The following L3MBTL4 variants were observed in gnomAD, a reference collection of about 807,000 sequenced individuals.
L3MBTL4 encodes lethal(3)malignant brain tumor-like protein 4.
L3MBTL4 carries 70 observed loss-of-function variants against 84.5 expected under a neutral mutation model. The observed-to-expected ratio is 0.83, with a 90% CI of 0.68 to 1.01. L3MBTL4 has a LOEUF of 1.01. Among genes scored for constraint, L3MBTL4 ranks in the 50% least tolerant of loss-of-function variants. The pLI is 0.00. For synonymous variants in L3MBTL4, 274 were observed against 259.8 expected (o/e 1.05, Z -0.52); for missense variants, 715 against 754.8 (o/e 0.95, Z 0.62).
At chr18:6,166,854 T>TA (rs963217416) in intron 13 of L3MBTL4, among the ~76,000 whole-genome samples, 2 of 151,272 alleles carry the variant, frequency 1.3e-5, no homozygotes, top group African/African-American at 4.8e-5. Flanking sequence ...GAAATAGACA[T>TA]AAAAAACCCT....
chr18:6,102,663 C>T (rs1011149141), intron 14 of L3MBTL4, among the ~76,000 whole-genome samples: 1 of 152,194 alleles, frequency 6.6e-6, no homozygotes, highest in African/African-American at 2.4e-5. Context: ...AGTGTAAAGA[C>T]TAGAGCACAT....
At chr18:6,038,242 T>C (rs911670462) in intron 16 of L3MBTL4, among the ~76,000 whole-genome samples, 1 of 136,824 alleles carries the variant, frequency 7.3e-6, no homozygotes, top group African/African-American at 2.7e-5. Flanking sequence ...TAGAAATCCA[T>C]TTCTGGATCT....
intron 1 of L3MBTL4, among the ~76,000 whole-genome samples, chr18:6,385,905 T>G (rs1252021691): frequency 2.6e-5 from 4 of 152,194 alleles, no homozygotes; most frequent in African/African-American, 9.7e-5. Context: ...GTCTCTAAAC[T>G]TGAGCCAATG....
upstream of L3MBTL4, chr18:6,415,053 G>A (rs1482573485): frequency 1.3e-5 from 2 of 152,294 alleles, no homozygotes; most frequent in African/African-American, 4.8e-5. Context: ...GCCCGCCGAG[G>A]TCGGGGCTTT....
At chr18:6,198,310 TC>T (rs2045497275) in intron 12 of L3MBTL4, among the ~76,000 whole-genome samples, 2 of 152,296 alleles carry the variant, frequency 1.3e-5, no homozygotes, top group African/African-American at 2.4e-5. Context: ...TCTGATTTAT[TC>T]CCTGTTTATA....
At chr18:5,966,895 C>T (rs1213348147) in intron 17 of L3MBTL4, among the ~76,000 whole-genome samples, 1 of 151,654 alleles carries the variant, frequency 6.6e-6, no homozygotes. Context: ...TTTTCTTCTT[C>T]TATGTCTGAT....
rs547052865 is a variant in L3MBTL4, at chr18:6,075,821, T to A, written c.1444+5060A>T. On this transcript the variant is annotated intron_variant, in intron 16 of 18. Coordinates refer to ENST00000317931, the MANE Select transcript of L3MBTL4 (RefSeq NM_001330559.2). ...CCTACATATCAATAAAAAAAGACAA[T>A]GTAAAAGACAAATGAGAAAGATACT... 2.0e-5 allele frequency among the ~76,000 whole-genome samples: 3 copies of A among 152,096 alleles called. No individual in the cohort carries two copies. The South Asian group carries it at 6.2e-4, about 32-fold the overall frequency.
chr18:6,224,473 C>T lies in L3MBTL4; in HGVS notation c.785-8638G>A, dbSNP rs533042278. On this transcript the variant is annotated intron_variant, in intron 10 of 18. Coordinates refer to ENST00000317931, the MANE Select transcript of L3MBTL4 (RefSeq NM_001330559.2). Reference sequence around the variant, plus strand: ...TGCCCAACACAACGGGGGAACCATCCCTCATGCATTAAGGCAAAAGGCTGG... The same window carrying T: ...TGCCCAACACAACGGGGGAACCATCTCTCATGCATTAAGGCAAAAGGCTGG... Among the ~76,000 whole-genome samples the T allele has an allele frequency of 2.6e-5, 4 of 152,288 alleles. No individual in the cohort carries two copies. In the East Asian group the frequency reaches 7.7e-4, roughly 29 times the overall value.
intron 14 of L3MBTL4, among the ~76,000 whole-genome samples, chr18:6,119,464 T>G (rs1478094966): frequency 1.3e-5 from 2 of 152,180 alleles, no homozygotes; most frequent in African/African-American, 4.8e-5. Context: ...GTTTGTGAAT[T>G]AGCAGCAAAG....
intron 14 of L3MBTL4, among the ~76,000 whole-genome samples, chr18:6,128,376 G>C (rs1028935929): frequency 6.6e-6 from 1 of 152,076 alleles, no homozygotes; most frequent in Non-Finnish European, 1.5e-5. Flanking sequence ...TAAAAGAGGT[G>C]AGTCTCCAGA....
intron 16 of L3MBTL4, among the ~76,000 whole-genome samples, chr18:6,074,841 A>C (rs923658779): frequency 6.6e-6 from 1 of 152,136 alleles, no homozygotes; most frequent in Non-Finnish European, 1.5e-5. Flanking sequence ...TTCCAGCTAA[A>C]AATTTCCTTG....
intron 4 of L3MBTL4, among the ~76,000 whole-genome samples, chr18:6,298,488 T>A (rs2050196872): frequency 6.6e-6 from 1 of 152,218 alleles, no homozygotes; most frequent in Admixed American, 6.5e-5. Flanking sequence ...TTGTTTATTA[T>A]GATGTACTTT....
At chr18:6,306,792 T>C (rs777729135) in intron 3 of L3MBTL4, among the ~76,000 whole-genome samples, 1 of 152,320 alleles carries the variant, frequency 6.6e-6, no homozygotes, top group Middle Eastern at 3.4e-3. Context: ...ATAAAGTTCT[T>C]GCAATCTAAG....
chr18:5,959,074 G>T (rs896305973), intron 18 of L3MBTL4, among the ~76,000 whole-genome samples: 1 of 152,210 alleles, frequency 6.6e-6, no homozygotes, highest in Non-Finnish European at 1.5e-5. Context: ...TTGATGCTGA[G>T]TTCCTCTACT....
intron 12 of L3MBTL4, among the ~76,000 whole-genome samples, chr18:6,175,006 C>T (rs2044162818): frequency 1.3e-5 from 2 of 151,462 alleles, no homozygotes; most frequent in Admixed American, 1.3e-4. Context: ...TCAAACAAAA[C>T]CAACGCAGAA....
At chr18:6,126,777 C>T (rs939869290) in intron 14 of L3MBTL4, among the ~76,000 whole-genome samples, 7 of 152,148 alleles carry the variant, frequency 4.6e-5, no homozygotes, top group Non-Finnish European at 1.0e-4. Context: ...ATTATCAATG[C>T]TTTTACTAAA....
intron 14 of L3MBTL4, among the ~76,000 whole-genome samples, chr18:6,123,174 T>C (rs546446620): frequency 6.6e-6 from 1 of 152,338 alleles, no homozygotes; most frequent in African/African-American, 2.4e-5. Context: ...ATATAGATCC[T>C]GGACTCATGA....
chr18:6,128,706 C>T (rs898498238), intron 14 of L3MBTL4, among the ~76,000 whole-genome samples: 1 of 151,994 alleles, frequency 6.6e-6, no homozygotes, highest in African/African-American at 2.4e-5. Context: ...CAAACTCTGT[C>T]CCAAAAAGTC....
In L3MBTL4 at chr18:6,362,250, GGGAAAGGAAA is replaced by G. The variant is rs1227181494; in HGVS notation, c.-90-50204_-90-50195del. Among the ~76,000 whole-genome samples, 7 of 148,248 alleles carry G rather than the reference GGGAAAGGAAA, an allele frequency of 4.7e-5. No homozygotes were observed. The Admixed American group carries it at 4.7e-4, about 10-fold the overall frequency. On this transcript the variant is annotated intron_variant, in intron 1 of 18. Coordinates refer to ENST00000317931, the MANE Select transcript of L3MBTL4 (RefSeq NM_001330559.2). ...GGGAGGGGACTGAAAGGAAAGGAAA[GGGAAAGGAAA>G]GGAAAGGAAAAGAAGAAAAAGAAAG...
Sources: gnomAD v4.1 joint callset for allele counts (sites outside exome capture counted in the v4.1 genomes callset) on GRCh38, gnomAD v4.1.1 for gene constraint, MANE v1.5 for transcripts, NCBI Gene and HGNC (gene_info 2026-07-23, HGNC 2026-07-21) for gene names.